The following CIMIP1 variants were observed in gnomAD, a reference collection of about 807,000 sequenced individuals.
The protein encoded by CIMIP1 is ciliary microtubule inner protein 1.
At chr20:58,158,711 C>T in the CIMIP1 span, among the ~76,000 whole-genome samples, 1 of 151,978 alleles carries the variant, frequency 6.6e-6, no homozygotes, top group Non-Finnish European at 1.5e-5. Flanking sequence ...CCTATCCTCT[C>T]ATTGGTGACC....
At chr20:58,158,508 G>C in the CIMIP1 span, among the ~76,000 whole-genome samples, 2 of 152,134 alleles carry the variant, frequency 1.3e-5, no homozygotes, top group Non-Finnish European at 2.9e-5. Flanking sequence ...AAATTAGCCA[G>C]GCATGGCGGT....
At chr20:58,152,116 A>G in the CIMIP1 span, among the ~76,000 whole-genome samples, 1 of 152,204 alleles carries the variant, frequency 6.6e-6, no homozygotes, top group Non-Finnish European at 1.5e-5. Flanking sequence ...ATTTTATGGA[A>G]AACTTCATAT....
the CIMIP1 span, chr20:58,153,510 G>A: frequency 1.8e-5 from 28 of 1,565,800 alleles, no homozygotes; most frequent in Middle Eastern, 3.3e-4. Flanking sequence ...ACCTTTTTCC[G>A]TGTTGCCCAG....
the CIMIP1 span, among the ~76,000 whole-genome samples, chr20:58,158,422 A>G: frequency 3.3e-5 from 5 of 152,184 alleles, no homozygotes; most frequent in African/African-American, 1.2e-4. Flanking sequence ...AGGCCGAGAC[A>G]GGCGGATCAC....
the CIMIP1 span, among the ~76,000 whole-genome samples, chr20:58,160,050 C>T: frequency 6.6e-6 from 1 of 152,214 alleles, no homozygotes; most frequent in African/African-American, 2.4e-5. Flanking sequence ...TTATGCAGAA[C>T]AGATTATTTC....
At chr20:58,151,155 G>T in the CIMIP1 span, 42 of 893,278 alleles carry the variant, frequency 4.7e-5, no homozygotes, top group Non-Finnish European at 7.4e-5. Flanking sequence ...GGGGCAGAGG[G>T]GCGTGCGCTG....
the CIMIP1 span, among the ~76,000 whole-genome samples, chr20:58,159,581 G>C: frequency 6.6e-6 from 1 of 151,950 alleles, no homozygotes; most frequent in Admixed American, 6.6e-5. Flanking sequence ...CTTGTTAGTG[G>C]TGGTGTTTTC....
At chr20:58,157,697 T>A in the CIMIP1 span, among the ~76,000 whole-genome samples, 2 of 152,224 alleles carry the variant, frequency 1.3e-5, no homozygotes, top group Non-Finnish European at 2.9e-5. Flanking sequence ...TTTGGGAGAA[T>A]AATCGTGCAA....
chr20:58,156,363 T>G, the CIMIP1 span, among the ~76,000 whole-genome samples: 1 of 151,764 alleles, frequency 6.6e-6, no homozygotes, highest in Non-Finnish European at 1.5e-5. Flanking sequence ...GGGAACAGCA[T>G]GTATGAAAGC....
chr20:58,156,141 G>A, the CIMIP1 span, among the ~76,000 whole-genome samples: 36 of 152,252 alleles, frequency 2.4e-4, no homozygotes, highest in African/African-American at 8.2e-4. Flanking sequence ...GAACAAGAAG[G>A]CAAGACCCCA....
the CIMIP1 span, among the ~76,000 whole-genome samples, chr20:58,154,646 TTAATA>T: frequency 5.2e-5 from 8 of 152,384 alleles, no homozygotes; most frequent in South Asian, 1.7e-3. Flanking sequence ...TGAGTTCTTA[TTAATA>T]TAATATGCAT....
At chr20:58,160,618 T>C in the CIMIP1 span, 1 of 1,589,872 alleles carries the variant, frequency 6.3e-7, no homozygotes, top group Non-Finnish European at 8.6e-7. Context: ...GCCTCGTGTC[T>C]CTGTGGCCGA....
the CIMIP1 span, chr20:58,155,563 C>T: frequency 3.1e-3 from 5,056 of 1,612,516 alleles, 14 homozygotes; most frequent in Non-Finnish European, 4.0e-3. Flanking sequence ...TGGAGAAGTA[C>T]ATCAAGGTTT....
chr20:58,156,975 A>G, the CIMIP1 span, among the ~76,000 whole-genome samples: 8 of 152,242 alleles, frequency 5.3e-5, no homozygotes, highest in South Asian at 4.1e-4. Context: ...GTGAGCCCCA[A>G]TGAATGAATG....
At chr20:58,159,358 A>T in the CIMIP1 span, among the ~76,000 whole-genome samples, 1 of 151,612 alleles carries the variant, frequency 6.6e-6, no homozygotes, top group African/African-American at 2.4e-5. Flanking sequence ...TCTACTAAAA[A>T]TACAAAAATT....
chr20:58,159,509 C>T, the CIMIP1 span, among the ~76,000 whole-genome samples: 4 of 94,374 alleles, frequency 4.2e-5, 1 homozygote, highest in Admixed American at 2.8e-4. Context: ...AGCAAGACTC[C>T]GTCTAAAAAA....
chr20:58,150,951 AG>A, the CIMIP1 span: 2 of 1,598,392 alleles, frequency 1.3e-6, no homozygotes, highest in Non-Finnish European at 8.5e-7. Flanking sequence ...GGGCGCACAG[AG>A]CCCCCAGGCC....
At chr20:58,155,178 C>G in the CIMIP1 span, among the ~76,000 whole-genome samples, 14 of 152,224 alleles carry the variant, frequency 9.2e-5, no homozygotes, top group Non-Finnish European at 1.3e-4. Flanking sequence ...GGATGTAAAT[C>G]AGGAGGCTGT....
At chr20:58,155,564 A>G in the CIMIP1 span, 8 of 1,612,686 alleles carry the variant, frequency 5.0e-6, no homozygotes, top group East Asian at 1.6e-4. Flanking sequence ...GGAGAAGTAC[A>G]TCAAGGTTTG....
Sources: gnomAD v4.1 joint callset for allele counts (sites outside exome capture counted in the v4.1 genomes callset) on GRCh38, gnomAD v4.1.1 for gene constraint, MANE v1.5 for transcripts, NCBI Gene and HGNC (gene_info 2026-07-23, HGNC 2026-07-21) for gene names.